Variants in CCDC91 observed in about 807,000 individuals in gnomAD.
The protein encoded by CCDC91 is coiled-coil domain-containing protein 91.
In CCDC91, 48 loss-of-function variants were observed where a neutral mutation model predicts 63.2. The observed-to-expected ratio is 0.76, with a 90% confidence interval of 0.60 to 0.97. The LOEUF (loss-of-function observed/expected upper bound fraction) is 0.97, where lower values mean the gene tolerates loss of function less well. CCDC91 is among the 50% of genes least tolerant of loss of function. The probability of loss-of-function intolerance (pLI) is 0.00; values close to 1 mark genes in which losing one functional copy is unlikely to be tolerated. For missense variants in CCDC91, 500 were observed against 494.6 expected (o/e 1.01, Z -0.10); for synonymous variants, 167 against 165.8 (o/e 1.01, Z -0.06).
Position 28,496,506 on chromosome 12 carries a change from A to G in CCDC91, c.1215+12341A>G, listed in dbSNP as rs562650756. ...GAAATTTTTTAAACATAGGGAGGAT[A>G]TCAAAAATCAGAAAACATTACAAAT... On this transcript the variant is annotated intron_variant, in intron 12 of 12. Transcript: ENST00000536442. Among the ~76,000 whole-genome samples the G allele has an allele frequency of 1.6e-3, 245 of 151,778 alleles. 2 individuals are homozygous for G. The highest frequency in any genetic ancestry group is 8.3e-3 in the South Asian group (40 of 4,824).
At chr12:28,480,019 C>T (rs1443612514) in intron 11 of CCDC91, among the ~76,000 whole-genome samples, 1 of 151,956 alleles carries the variant, frequency 6.6e-6, no homozygotes, top group East Asian at 1.9e-4. Flanking sequence ...TTGCTGACAT[C>T]GGCCTTAAGC....
chr12:28,247,033 T>C (rs1273331962), intron 1 of CCDC91, among the ~76,000 whole-genome samples: 1 of 152,190 alleles, frequency 6.6e-6, no homozygotes, highest in Admixed American at 6.5e-5. Context: ...TCATTTGACA[T>C]ATGAGGACAC....
At chr12:28,532,377 A>C (rs1363851804) in intron 12 of CCDC91, among the ~76,000 whole-genome samples, 1 of 152,236 alleles carries the variant, frequency 6.6e-6, no homozygotes, top group Admixed American at 6.5e-5. Flanking sequence ...GGACTCAAAA[A>C]AATTGTAATT....
At chr12:28,477,289 A>G (rs1951156402) in intron 11 of CCDC91, among the ~76,000 whole-genome samples, 1 of 152,204 alleles carries the variant, frequency 6.6e-6, no homozygotes, top group Admixed American at 6.5e-5. Flanking sequence ...AGTGGGCTTG[A>G]ACCCTGGGAT....
intron 3 of CCDC91, among the ~76,000 whole-genome samples, chr12:28,287,766 G>A (rs1446928875): frequency 6.6e-6 from 1 of 152,166 alleles, no homozygotes; most frequent in Admixed American, 6.5e-5. Context: ...AATAGCAATA[G>A]CATTGAATAT....
At chr12:28,242,689 G>A (rs75284278) in intron 1 of CCDC91, among the ~76,000 whole-genome samples, 1 of 152,078 alleles carries the variant, frequency 6.6e-6, no homozygotes, top group Non-Finnish European at 1.5e-5. Context: ...AACTGTGGGT[G>A]ACGTGGTTTG....
At chr12:28,395,023 CTGTT>C (rs1240742799) in intron 8 of CCDC91, among the ~76,000 whole-genome samples, 2 of 152,126 alleles carry the variant, frequency 1.3e-5, no homozygotes, top group Non-Finnish European at 2.9e-5. Context: ...TTAGCTAAGA[CTGTT>C]TGTATAGCTA....
At chr12:28,526,125 T>C in intron 12 of CCDC91, among the ~76,000 whole-genome samples, 1 of 152,136 alleles carries the variant, frequency 6.6e-6, no homozygotes, top group East Asian at 1.9e-4. Context: ...TACTATTCCA[T>C]TCATCATGCT....
At position 28,414,444 on chromosome 12, in the gene CCDC91, A is replaced by G. The variant is rs150930826; in HGVS notation, c.762+23033A>G. ...AAATATTAATATATGAGAATATTCA[A>G]AAATATAATTGAAATGTTCAAAAAG... On this transcript the variant is annotated intron_variant, in intron 8 of 12. Coordinates refer to ENST00000536442, the MANE Select transcript of CCDC91 (RefSeq NM_018318.5). Among the ~76,000 whole-genome samples the G allele has an allele frequency of 3.8e-3, 586 of 152,278 alleles. 7 individuals are homozygous for G. The highest frequency in any genetic ancestry group is 0.013 in the African/African-American group (554 of 41,570).
At chr12:28,425,727 G>A (rs1052987290) in intron 8 of CCDC91, among the ~76,000 whole-genome samples, 1 of 152,156 alleles carries the variant, frequency 6.6e-6, no homozygotes, top group Non-Finnish European at 1.5e-5. Flanking sequence ...CTTAAGCAGT[G>A]GTTCTCAAAG....
intron 1 of CCDC91, among the ~76,000 whole-genome samples, chr12:28,209,891 A>G (rs1337542295): frequency 6.6e-6 from 1 of 152,122 alleles, no homozygotes; most frequent in African/African-American, 2.4e-5. Context: ...TTGCATGTAA[A>G]CCTATTTTTT....
chr12:28,366,376 C>T (rs1322413181), intron 7 of CCDC91, among the ~76,000 whole-genome samples: 2 of 152,178 alleles, frequency 1.3e-5, no homozygotes, highest in African/African-American at 4.8e-5. Flanking sequence ...CACGAAAAGC[C>T]TGCTTTCTCT....
chr12:28,530,271 T>C (rs1296931081), intron 12 of CCDC91, among the ~76,000 whole-genome samples: 1 of 152,234 alleles, frequency 6.6e-6, no homozygotes, highest in Admixed American at 6.5e-5. Flanking sequence ...GCCACTATGC[T>C]GTGAGAAAAC....
chr12:28,374,812 A>G (rs1392926285), intron 7 of CCDC91, among the ~76,000 whole-genome samples: 1 of 152,148 alleles, frequency 6.6e-6, no homozygotes, highest in Non-Finnish European at 1.5e-5. Flanking sequence ...TGTTCATACA[A>G]CTTTAAATCA....
intron 6 of CCDC91, among the ~76,000 whole-genome samples, chr12:28,353,001 G>T (rs1218880877): frequency 2.0e-5 from 3 of 152,216 alleles, no homozygotes; most frequent in Non-Finnish European, 4.4e-5. Flanking sequence ...CTGCATTGCA[G>T]ATCTGTTGTT....
At chr12:28,350,456 T>C (rs1456517277) in intron 6 of CCDC91, among the ~76,000 whole-genome samples, 2 of 152,212 alleles carry the variant, frequency 1.3e-5, no homozygotes, top group Non-Finnish European at 2.9e-5. Flanking sequence ...AAATATCTTA[T>C]TGTATTAATG....
At chr12:28,366,639 C>T (rs538922438) in intron 7 of CCDC91, among the ~76,000 whole-genome samples, 6 of 152,258 alleles carry the variant, frequency 3.9e-5, no homozygotes, top group Admixed American at 6.5e-5. Context: ...CGGGATAGGC[C>T]ATCTAGGAAA....
In CCDC91 at chr12:28,522,238, C is replaced by T. The variant is rs553932418; in HGVS notation, c.1216-26825C>T. ...TGGTTGGTAAACTATTAATTATTGCCTCAATTTCAGAGCCTGTTATTGGTC... is the reference window on the plus strand; with the variant it reads ...TGGTTGGTAAACTATTAATTATTGCTTCAATTTCAGAGCCTGTTATTGGTC... On this transcript the variant is annotated intron_variant, in intron 12 of 12. Transcript: ENST00000536442. Among the ~76,000 whole-genome samples the T allele has an allele frequency of 3.3e-5, 5 of 152,266 alleles. No individual in the cohort carries two copies. The South Asian group carries it at 1.0e-3, about 32-fold the overall frequency.
intron 3 of CCDC91, among the ~76,000 whole-genome samples, chr12:28,268,890 C>T (rs1947545271): frequency 1.3e-5 from 2 of 152,164 alleles, no homozygotes; most frequent in South Asian, 4.1e-4. Context: ...CCATCACTCA[C>T]TTCCTCCCTC....
Sources: gnomAD v4.1 joint callset for allele counts (sites outside exome capture counted in the v4.1 genomes callset) on GRCh38, gnomAD v4.1.1 for gene constraint, MANE v1.5 for transcripts, NCBI Gene and HGNC (gene_info 2026-07-23, HGNC 2026-07-21) for gene names.